LRTM3: variants seen among roughly 807,000 people sequenced by gnomAD.
LRTM3 encodes leucine-rich repeat transmembrane protein 3.
the LRTM3 span, chr13:102,731,827 G>C: frequency 1.9e-6 from 3 of 1,549,414 alleles, no homozygotes; most frequent in Admixed American, 5.9e-5. Flanking sequence ...CCCTTTGCTT[G>C]GGTAACTTTG....
chr13:102,741,781 A>G, the LRTM3 span: 1 of 1,550,362 alleles, frequency 6.5e-7, no homozygotes, highest in African/African-American at 1.4e-5. Flanking sequence ...CAATGCCCAC[A>G]TCTTTTTCCT....
the LRTM3 span, chr13:102,749,102 T>A: frequency 3.9e-6 from 6 of 1,549,706 alleles, no homozygotes; most frequent in Non-Finnish European, 5.2e-6. Context: ...ATCTTTCCTT[T>A]CATGTAATTC....
At chr13:102,746,344 G>A in the LRTM3 span, 2 of 1,550,520 alleles carry the variant, frequency 1.3e-6, no homozygotes, top group Non-Finnish European at 1.7e-6. Flanking sequence ...CATGGGATAT[G>A]CTATTCTTAG....
chr13:102,735,633 C>T, the LRTM3 span: 26 of 1,551,064 alleles, frequency 1.7e-5, no homozygotes, highest in African/African-American at 3.4e-4. Flanking sequence ...ATTTTGTCTT[C>T]CATATCTATT....
At chr13:102,736,148 G>A in the LRTM3 span, 2 of 1,543,808 alleles carry the variant, frequency 1.3e-6, no homozygotes, top group Non-Finnish European at 1.8e-6. Flanking sequence ...TCCTGCACCT[G>A]ATGATATAGG....
the LRTM3 span, chr13:102,740,326 T>G: frequency 9.0e-6 from 14 of 1,550,280 alleles, no homozygotes; most frequent in Non-Finnish European, 1.1e-5. Flanking sequence ...GCACAATCCA[T>G]TCTAGTCTAT....
chr13:102,750,655 G>A, the LRTM3 span, among the ~76,000 whole-genome samples: 1 of 151,980 alleles, frequency 6.6e-6, no homozygotes, highest in African/African-American at 2.4e-5. Flanking sequence ...GACAAGATTG[G>A]GTCAAAGTTG....
the LRTM3 span, chr13:102,729,546 C>A: frequency 6.6e-7 from 1 of 1,511,630 alleles, no homozygotes; most frequent in Non-Finnish European, 8.8e-7. Flanking sequence ...ATCTTTGCCA[C>A]TAGGGGAATT....
At chr13:102,737,335 G>C in the LRTM3 span, 8 of 1,550,988 alleles carry the variant, frequency 5.2e-6, no homozygotes, top group Non-Finnish European at 7.0e-6. Flanking sequence ...TTCCTTGTAA[G>C]TCTTCCTCTC....
At chr13:102,743,061 A>G in the LRTM3 span, 1 of 1,550,322 alleles carries the variant, frequency 6.5e-7, no homozygotes, top group Non-Finnish European at 8.7e-7. Flanking sequence ...ACATCCTCTG[A>G]TTTACCAAGA....
the LRTM3 span, chr13:102,730,680 C>A: frequency 1.9e-6 from 3 of 1,551,902 alleles, no homozygotes; most frequent in Non-Finnish European, 2.6e-6. Context: ...ATATGTTGTT[C>A]TAACAGTTCT....
At chr13:102,743,747 G>A in the LRTM3 span, 1 of 1,549,918 alleles carries the variant, frequency 6.5e-7, no homozygotes, top group Non-Finnish European at 8.7e-7. Flanking sequence ...ATGTTTTCTG[G>A]TAGACTCTCT....
the LRTM3 span, chr13:102,747,584 T>C: frequency 6.4e-7 from 1 of 1,551,212 alleles, no homozygotes; most frequent in Admixed American, 2.0e-5. Flanking sequence ...TTCTGCAATA[T>C]GACTATCCGT....
At chr13:102,745,136 C>T in the LRTM3 span, 1 of 1,550,750 alleles carries the variant, frequency 6.4e-7, no homozygotes, top group Non-Finnish European at 8.7e-7. Flanking sequence ...AATTTTCCTA[C>T]TTCCTTGGTT....
At chr13:102,738,732 C>T in the LRTM3 span, 15 of 1,550,560 alleles carry the variant, frequency 9.7e-6, no homozygotes, top group Middle Eastern at 3.3e-4. Flanking sequence ...GCTTCCTCTC[C>T]TTCTATTGTG....
chr13:102,751,177 C>G, the LRTM3 span, among the ~76,000 whole-genome samples: 1 of 151,952 alleles, frequency 6.6e-6, no homozygotes, highest in African/African-American at 2.4e-5. Flanking sequence ...AGTTAAAGGC[C>G]TGGATAGAAC....
chr13:102,744,735 T>A, the LRTM3 span: 1 of 1,550,708 alleles, frequency 6.4e-7, no homozygotes, highest in South Asian at 1.2e-5. Flanking sequence ...TGAATATTTT[T>A]ATCTTCCCTT....
chr13:102,736,344 G>T, the LRTM3 span: 2 of 1,551,114 alleles, frequency 1.3e-6, no homozygotes, highest in African/African-American at 2.7e-5. Flanking sequence ...AACACTTGTG[G>T]AGGTGCTGAT....
the LRTM3 span, chr13:102,750,192 A>G: frequency 1.9e-4 from 291 of 1,551,170 alleles, no homozygotes; most frequent in Non-Finnish European, 2.5e-4. Flanking sequence ...ACTTCTGAAT[A>G]AAACAATGGC....
Sources: gnomAD v4.1 joint callset for allele counts (sites outside exome capture counted in the v4.1 genomes callset) on GRCh38, gnomAD v4.1.1 for gene constraint, MANE v1.5 for transcripts, NCBI Gene and HGNC (gene_info 2026-07-23, HGNC 2026-07-21) for gene names.